Variants in TSFM observed in about 807,000 individuals in gnomAD.
TSFM encodes the protein elongation factor Ts, mitochondrial.
A neutral mutation model predicts 33.4 loss-of-function variants in TSFM; 29 were observed. That is an observed-to-expected ratio of 0.87 (90% CI 0.65 to 1.18). The LOEUF is 1.18. TSFM is among the 50% of genes most tolerant of loss of function. The pLI is 0.00. For synonymous variants in TSFM, 178 were observed against 163.5 expected (o/e 1.09, Z -0.68); for missense variants, 394 against 395.6 (o/e 1.00, Z 0.04).
chr12:57,796,699 T>C lies in TSFM; in HGVS notation c.*116T>C, dbSNP rs1243959091. The C allele has an allele frequency of 2.4e-6, 3 of 1,252,244 alleles. No individual in the cohort carries two copies. Among genetic ancestry groups the C allele is most frequent in the African/African-American group, 1.5e-5 (1 of 64,664 alleles). The allele number at this position is 1,252,244 out of a possible 1,614,324, so 77.6% of individuals were successfully genotyped here. Reference sequence around the variant, plus strand: ...AGAATGCATGGGTAAAATTATTAAATAGTTGTATAATAAAAATAATTTTTT... The same window carrying C: ...AGAATGCATGGGTAAAATTATTAAACAGTTGTATAATAAAAATAATTTTTT... On this transcript the variant is annotated 3_prime_UTR_variant, in exon 6 of 6. Coordinates refer to ENST00000652027, the MANE Select transcript of TSFM (RefSeq NM_005726.6).
chr12:57,797,836 A>G, downstream of TSFM: 1 of 1,409,640 alleles, frequency 7.1e-7, no homozygotes, highest in South Asian at 1.4e-5. Context: ...TATTGGCACT[A>G]TCTGCTCTTT....
chr12:57,791,865 C>G, intron 4 of TSFM: 1 of 255,434 alleles, frequency 3.9e-6, no homozygotes, highest in Non-Finnish European at 8.3e-6. Context: ...GATACTACAA[C>G]TTCACACCAT....
intron 4 of TSFM, among the ~76,000 whole-genome samples, chr12:57,790,725 G>A (rs1187786766): frequency 6.7e-6 from 1 of 149,334 alleles, no homozygotes; most frequent in East Asian, 1.9e-4. Flanking sequence ...ATATTTCTTT[G>A]TAGTCAGTAT....
rs568910850 is a variant in TSFM, at chr12:57,792,873, T to C, written c.484-113T>C. 270 of 1,043,302 alleles carry C rather than the reference T, an allele frequency of 2.6e-4. 1 individual carries two copies. The African/African-American group carries it at 3.7e-3, about 14-fold the overall frequency. 64.6% of individuals were successfully genotyped at this position (1,043,302 alleles called of 1,614,324 possible). On this transcript the variant is annotated intron_variant, in intron 4 of 5. Transcript: ENST00000652027. Reference sequence around the variant, plus strand: ...TCCCAAAGTGTTGGGATTACAGGCGTGAGCCACCACGCCTGGCCAATACTT... The same window carrying C: ...TCCCAAAGTGTTGGGATTACAGGCGCGAGCCACCACGCCTGGCCAATACTT...
In TSFM at chr12:57,797,308, A is replaced by G. The variant is rs1388456158; in HGVS notation, c.*725A>G. 3 of 985,306 alleles carry G rather than the reference A, an allele frequency of 3.0e-6. No individual in the cohort carries two copies. The African/African-American group carries it at 5.2e-5, about 17-fold the overall frequency. The allele number at this position is 985,306 out of a possible 1,614,324, so 61.0% of individuals were successfully genotyped here. A position where few individuals can be genotyped will look rare whatever the true frequency, so the allele number is the denominator to read the frequency against. ...TTGCCTCTTTACTTCCCCAGTACTG[A>G]AACATTTCTTCAAGTATAACATAAA... is the stretch of plus-strand genomic sequence containing the variant. On this transcript the variant is annotated 3_prime_UTR_variant, in exon 6 of 6. Transcript: ENST00000652027.
Position 57,783,110 on chromosome 12 carries a change from G to T in TSFM, c.58G>T (p.Ala20Ser), listed in dbSNP as rs751714956. Residue 20 changes from alanine to serine, a missense_variant and splice_region_variant, in exon 2 of 6, where the codon GCT becomes TCT. Ala to Ser is a moderately conservative substitution (Grantham distance 99). Transcript: ENST00000652027. ...CTCATCCCTTTCTTATCTCATCTAGGCTGGGTCTCTTCTGCGTCAGTCGCC... is the reference window on the plus strand; with the variant it reads ...CTCATCCCTTTCTTATCTCATCTAGTCTGGGTCTCTTCTGCGTCAGTCGCC... ...FLVARTGSYP[A>S]GSLLRQSPQP... is the part of the protein sequence containing the mutation. 6.2e-7 allele frequency: 1 copy of T among 1,608,434 alleles called. No homozygotes were observed.
chr12:57,786,468 A>G (rs1022393582), intron 3 of TSFM, among the ~76,000 whole-genome samples, 177 bp downstream of exon 3: 5 of 152,234 alleles, frequency 3.3e-5, no homozygotes, highest in Non-Finnish European at 7.3e-5. Context: ...AAGTATAGAA[A>G]TGTACTGGTG....
rs569717444 is a variant in TSFM, at chr12:57,797,230, G to T, written c.*647G>T. On this transcript the variant is annotated 3_prime_UTR_variant, in exon 6 of 6. Coordinates refer to ENST00000652027, the MANE Select transcript of TSFM (RefSeq NM_005726.6). ...CTGTAAGGCAGATTTTGACATTCTT[G>T]TGCCAGAAACAGAAATTAGAGTAGT... 21 of 985,382 alleles carry T rather than the reference G, an allele frequency of 2.1e-5. No individual in the cohort carries two copies. In the African/African-American group the frequency reaches 3.1e-4, roughly 15 times the overall value. 61.0% of individuals were successfully genotyped at this position (985,382 alleles called of 1,614,324 possible).
Position 57,793,050 on chromosome 12 carries a change from AG to A in TSFM, c.550del (p.Asp184IlefsTer5). Reference sequence around the variant, plus strand: ...GGGCCTGACAGAGAAGGCTCACTCAAGGATCAGTTGGCTTTAGCAATTGGTG... The same window carrying A: ...GGGCCTGACAGAGAAGGCTCACTCAAGATCAGTTGGCTTTAGCAATTGGTG... ...PAGPDREGSL[K>X]DQLALAIGKL... On this transcript the variant is annotated frameshift_variant, in exon 5 of 6. Transcript: ENST00000652027. LOFTEE classifies it high-confidence loss of function. 1.2e-6 allele frequency: 2 copies of A among 1,613,726 alleles called. No homozygotes were observed. Among genetic ancestry groups the A allele is most frequent in the Non-Finnish European group, 1.7e-6 (2 of 1,179,712 alleles).
downstream of TSFM, among the ~76,000 whole-genome samples, chr12:57,798,739 C>G (rs1254688518): frequency 1.3e-5 from 2 of 151,854 alleles, no homozygotes; most frequent in Non-Finnish European, 2.9e-5. Flanking sequence ...CCCTCAGCCT[C>G]CCAAGTAGCT....
At chr12:57,783,592 T>C in intron 2 of TSFM, 1 of 603,670 alleles carries the variant, frequency 1.7e-6, no homozygotes, top group Non-Finnish European at 3.1e-6. Context: ...TGTCTGACTT[T>C]AGACTTTTTT....
At chr12:57,801,373 G>A, downstream of TSFM, 1 of 561,010 alleles carries the variant, frequency 1.8e-6, no homozygotes, top group Non-Finnish European at 3.2e-6. Flanking sequence ...GTCCATGCAG[G>A]CTTGAAAGGT....
chr12:57,798,809 G>A (rs1955787820), downstream of TSFM, among the ~76,000 whole-genome samples: 1 of 151,930 alleles, frequency 6.6e-6, no homozygotes, highest in Non-Finnish European at 1.5e-5. Flanking sequence ...TACAGACGGG[G>A]TTTCACCATA....
chr12:57,790,066 T>TC (rs1955642591), intron 4 of TSFM, among the ~76,000 whole-genome samples: 1 of 145,112 alleles, frequency 6.9e-6, no homozygotes, highest in Admixed American at 6.9e-5. Flanking sequence ...CTTTCTTTTT[T>TC]TTTTTTTTTT....
downstream of TSFM, among the ~76,000 whole-genome samples, chr12:57,801,808 T>C (rs1490754873): frequency 6.6e-6 from 1 of 152,174 alleles, no homozygotes; most frequent in South Asian, 2.1e-4. Context: ...ACTGTGACTT[T>C]AGACAAATGA....
At chr12:57,784,589 C>CT (rs1258787335) in intron 2 of TSFM, among the ~76,000 whole-genome samples, 1 of 151,928 alleles carries the variant, frequency 6.6e-6, no homozygotes, top group Middle Eastern at 3.2e-3. Flanking sequence ...AAATTTTAAA[C>CT]TTTTTTTGGC....
intron 4 of TSFM, 148 bp downstream of exon 4, chr12:57,787,310 CGTTGCTATATCCCCG>C: frequency 1.2e-6 from 1 of 811,056 alleles, no homozygotes; most frequent in East Asian, 2.9e-5. Context: ...ACCCTTCCCC[CGTTGCTATATCCCCG>C]TGTCATGCTG....
At chr12:57,798,003 A>G, downstream of TSFM, 2 of 1,585,160 alleles carry the variant, frequency 1.3e-6, no homozygotes, top group Non-Finnish European at 8.6e-7. Context: ...ATTCTAAGAG[A>G]GAAAACAAAG....
intron 5 of TSFM, 50 bp downstream of exon 5, chr12:57,793,123 T>G: frequency 6.8e-6 from 10 of 1,471,964 alleles, no homozygotes; most frequent in Non-Finnish European, 9.4e-6. Context: ...ACTGGATCTC[T>G]TGTTATCTTG....
Sources: gnomAD v4.1 joint callset for allele counts (sites outside exome capture counted in the v4.1 genomes callset) on GRCh38, gnomAD v4.1.1 for gene constraint, MANE v1.5 for transcripts, NCBI Gene and HGNC (gene_info 2026-07-23, HGNC 2026-07-21) for gene names.